Variants in PLCD4 observed in about 807,000 individuals in gnomAD.
PLCD4 encodes 1-phosphatidylinositol 4,5-bisphosphate phosphodiesterase delta-4.
Under a neutral mutation model 90.2 loss-of-function variants are expected in PLCD4, and 63 were observed. The ratio of observed to expected loss-of-function variants is 0.70; its 90% confidence interval spans 0.57 to 0.86. PLCD4 has a LOEUF of 0.86. PLCD4 is among the 40% of genes least tolerant of loss of function. The pLI, the probability that PLCD4 is intolerant of heterozygous loss-of-function variation, is 0.00. For missense variants in PLCD4, 830 were observed against 956.3 expected, an observed-to-expected ratio of 0.87 and a Z score of 1.74; for synonymous variants, 294 against 356.5, an observed-to-expected ratio of 0.82 and a Z score of 1.97.
intron 6 of PLCD4, among the ~76,000 whole-genome samples, chr2:218,627,578 T>C (rs1469763529): frequency 2.6e-5 from 4 of 151,920 alleles, no homozygotes; most frequent in Non-Finnish European, 5.9e-5. Context: ...AGTGGCGCGA[T>C]CTGGGCTCAC....
rs771821571 is a variant in PLCD4 at position 218,628,108 on chromosome 2, C to G, written c.852C>G (p.Ala284=). ...CSKDGDIFNP[A]CLPIYQDMTQ... is the part of the protein sequence containing the mutation. ...AGGATGGAGACATCTTCAACCCAGC[C>G]TGCCTCCCCATCTATCAGGATATGA... The change falls in exon 7 of 16, where the codon GCC becomes GCG. Residue 284 remains alanine, a synonymous_variant. Coordinates refer to ENST00000450993, the MANE Select transcript of PLCD4 (RefSeq NM_032726.4). The G allele has an allele frequency of 6.2e-7, 1 of 1,614,022 alleles. No individual in the cohort carries two copies. Among genetic ancestry groups the G allele is most frequent in the East Asian group, 2.2e-5 (1 of 44,892 alleles).
chr2:218,633,300 A>G, intron 10 of PLCD4: 3 of 687,050 alleles, frequency 4.4e-6, no homozygotes, highest in Non-Finnish European at 8.0e-6. Flanking sequence ...CACCCAGGAT[A>G]TAACATAGAG....
At chr2:218,633,472 G>C (rs1696508645) in intron 10 of PLCD4, 133 bp from the exon 11 acceptor site, 4 of 1,068,854 alleles carry the variant, frequency 3.7e-6, no homozygotes, top group South Asian at 1.3e-5. Context: ...CCCTTCTCTT[G>C]TCCCGGCAGG....
rs1182175325 is a variant in PLCD4, at chr2:218,634,645, A to G, written c.1896+15A>G. The G allele has an allele frequency of 6.2e-7, 1 of 1,611,028 alleles. No homozygotes were observed. The highest frequency in any genetic ancestry group is 1.3e-5 in the African/African-American group (1 of 74,750). On this transcript the variant is annotated intron_variant, in intron 13 of 15. Coordinates refer to ENST00000450993, the MANE Select transcript of PLCD4 (RefSeq NM_032726.4). The surrounding 1 kb of genome is among the most constrained non-coding windows in gnomAD (Gnocchi z 4.0). ...TCTTAATCCAGGTACAGTGGAAATA[A>G]ACTGTTGGGAAGAAACTGAGATAAC...
rs1183039656 is a variant in PLCD4 at position 218,633,750 on chromosome 2, T to C, written c.1595T>C (p.Ile532Thr). The C allele has an allele frequency of 9.9e-6, 16 of 1,613,792 alleles. No individual in the cohort carries two copies. The highest frequency in any genetic ancestry group is 1.6e-4 in the Middle Eastern group (1 of 6,062). ...SFSETKAKRL[I>T]KEAGNEFVQH... Reference sequence around the variant, plus strand: ...TCTGAAACCAAGGCCAAGCGCCTCATCAAGGAGGCTGGTCAGGACCAAAAT... The same window carrying C: ...TCTGAAACCAAGGCCAAGCGCCTCACCAAGGAGGCTGGTCAGGACCAAAAT... Residue 532 changes from isoleucine (I) to threonine (T), a missense_variant, in exon 11 of 16, where the codon ATC (isoleucine) becomes ACC (threonine). Transcript: ENST00000450993.
rs746457248 is a variant in PLCD4 at position 218,621,611 on chromosome 2, G to T, written c.540+12G>T. 7 of 1,613,416 alleles carry T rather than the reference G, an allele frequency of 4.3e-6. No individual in the cohort carries two copies. The South Asian group carries it at 6.6e-5, about 15-fold the overall frequency. On this transcript the variant is annotated intron_variant, in intron 5 of 15. Transcript: ENST00000450993. Reference sequence around the variant, plus strand: ...TCAGTCTTTTTCAGGTGAGTCTGTGGGGAAGGATTTCCAGCGGCCAACCAG... The same window carrying T: ...TCAGTCTTTTTCAGGTGAGTCTGTGTGGAAGGATTTCCAGCGGCCAACCAG...
intron 10 of PLCD4, 159 bp from the exon 11 acceptor site, chr2:218,633,446 A>G (rs547476378): frequency 5.7e-6 from 5 of 871,896 alleles, no homozygotes; most frequent in South Asian, 4.2e-5. Flanking sequence ...CCAGGCTCCT[A>G]TTTCCAAGCC....
At position 218,616,960 on chromosome 2, in the gene PLCD4, A is replaced by AT. The variant is rs1272307704; in HGVS notation, c.181+898_181+899insT. Among the ~76,000 whole-genome samples the AT allele has an allele frequency of 4.5e-3, 419 of 92,650 alleles. 26 individuals are homozygous for AT. The highest frequency in any genetic ancestry group is 0.017 in the African/African-American group (394 of 22,982). The allele number at this position is 92,650 out of a possible 152,430, so 60.8% of individuals were successfully genotyped here. A position where few individuals can be genotyped will look rare whatever the true frequency, so the allele number is the denominator to read the frequency against. ...GAGAGAGAGAGAGAGAGAGAGAGAG[A>AT]GAGAGAGAGAGAGAGAGAGAGAGAG... On this transcript the variant is annotated intron_variant, in intron 3 of 15. Transcript: ENST00000450993.
At chr2:218,625,801 G>A (rs1696091175) in intron 6 of PLCD4, among the ~76,000 whole-genome samples, 1 of 152,012 alleles carries the variant, frequency 6.6e-6, no homozygotes, top group Non-Finnish European at 1.5e-5. Context: ...GGGTATGGTG[G>A]CGGGCACCTG....
chr2:218,621,888 G>A (rs971289176), intron 5 of PLCD4, among the ~76,000 whole-genome samples: 1 of 152,018 alleles, frequency 6.6e-6, no homozygotes, highest in Non-Finnish European at 1.5e-5. Context: ...GTCCATCCTG[G>A]TTAACACAGT....
Position 218,629,508 on chromosome 2 carries a change from G to A in PLCD4, c.975-11G>A. On this transcript the variant is annotated splice_polypyrimidine_tract_variant and intron_variant, in intron 7 of 15. Coordinates refer to ENST00000450993, the MANE Select transcript of PLCD4 (RefSeq NM_032726.4). The stretch of plus-strand genomic sequence containing the variant: ...CTCTCCTATTTCTCGGTGGGGATGG[G>A]GTTCTTTCAGGGCCCTGAAGCGGGG... The A allele has an allele frequency of 6.2e-7, 1 of 1,611,094 alleles. No homozygotes were observed. Among genetic ancestry groups the A allele is most frequent in the Non-Finnish European group, 8.5e-7 (1 of 1,178,972 alleles).
rs1042616106 is a variant in PLCD4 at position 218,615,822 on chromosome 2, A to C, written c.22+61A>C. The stretch of plus-strand genomic sequence containing the variant: ...AGTGTACAGCTCAGGGAAGGGAAGG[A>C]GGTTGGACCCCTGTTCCAGAGCTCT... On this transcript the variant is annotated intron_variant, in intron 2 of 15. Coordinates refer to ENST00000450993, the MANE Select transcript of PLCD4 (RefSeq NM_032726.4). 1.9e-6 allele frequency: 3 copies of C among 1,601,116 alleles called. No homozygotes were observed. In the African/African-American group the frequency reaches 4.0e-5, roughly 21 times the overall value.
At chr2:218,627,279 A>T (rs553071682) in intron 6 of PLCD4, among the ~76,000 whole-genome samples, 130 of 151,716 alleles carry the variant, frequency 8.6e-4, no homozygotes, top group Middle Eastern at 3.4e-3. Context: ...ATAAATAAAT[A>T]AATTAAATTA....
rs1014266008 is a variant in PLCD4, at chr2:218,628,368, T to G, written c.974+138T>G. The G allele has an allele frequency of 1.3e-5, 10 of 775,604 alleles. No individual in the cohort carries two copies. The Admixed American group carries it at 2.5e-4, about 19-fold the overall frequency. 48.0% of individuals were successfully genotyped at this position (775,604 alleles called of 1,614,324 possible). A position where few individuals can be genotyped will look rare whatever the true frequency, so the allele number is the denominator to read the frequency against. On this transcript the variant is annotated intron_variant, in intron 7 of 15. Coordinates refer to ENST00000450993, the MANE Select transcript of PLCD4 (RefSeq NM_032726.4). The stretch of plus-strand genomic sequence containing the variant: ...AGGAGCCCTGGATACCAGAGACACT[T>G]GGAGGAGATATTGAAGACTGGTGGG...
At chr2:218,627,758 C>T (rs1413602349) in intron 6 of PLCD4, among the ~76,000 whole-genome samples, 10 of 152,140 alleles carry the variant, frequency 6.6e-5, no homozygotes, top group Admixed American at 5.2e-4. Context: ...GTGATCTGCC[C>T]GTCTCAGCCT....
At position 218,636,596 on chromosome 2, in the gene PLCD4, A is replaced by G; in HGVS notation, c.*19A>G. 1 of 1,609,878 alleles carries G rather than the reference A, an allele frequency of 6.2e-7. No individual in the cohort carries two copies. The highest frequency in any genetic ancestry group is 8.5e-7 in the Non-Finnish European group (1 of 1,176,430). On this transcript the variant is annotated 3_prime_UTR_variant, in exon 16 of 16. Coordinates refer to ENST00000450993, the MANE Select transcript of PLCD4 (RefSeq NM_032726.4). ...GTCCTGAGGTGGGCATTTCACGGGA[A>G]GGGTTGGTGTGCTGGCTTTAGACGG...
rs1189398803 is a variant in PLCD4 at position 218,629,407 on chromosome 2, C to G, written c.975-112C>G. On this transcript the variant is annotated intron_variant, in intron 7 of 15. Transcript: ENST00000450993. ...CTATGCAGATGTAGCTTGAAGGGGT[C>G]TGGATGGGTAAGTGCTGGTGAGCAC... 3.1e-6 allele frequency: 4 copies of G among 1,274,660 alleles called. No individual in the cohort carries two copies. In the African/African-American group the frequency reaches 5.9e-5, roughly 19 times the overall value. 79.0% of individuals were successfully genotyped at this position (1,274,660 alleles called of 1,614,324 possible).
chr2:218,629,813 A>C, intron 8 of PLCD4, 150 bp downstream of exon 8: 1 of 815,854 alleles, frequency 1.2e-6, no homozygotes. Context: ...CTAAAGGCTG[A>C]TTATGAATAA....
intron 1 of PLCD4, chr2:218,609,415 T>A (rs1395174311): frequency 6.6e-6 from 1 of 152,234 alleles, no homozygotes; most frequent in East Asian, 1.9e-4. Flanking sequence ...TCTGCAGCTC[T>A]GGGCTACTTC....
Sources: allele counts gnomAD v4.1 joint callset (sites outside exome capture counted in the v4.1 genomes callset), GRCh38; gene constraint gnomAD v4.1.1; non-coding constraint Gnocchi (gnomAD v3.1); transcripts MANE v1.5; gene names NCBI Gene and HGNC (gene_info 2026-07-23, HGNC 2026-07-21).